The following SLC4A4 variants were observed in gnomAD, a reference collection of about 807,000 sequenced individuals.
SLC4A4 encodes solute carrier family 4 member 4, also known as electrogenic sodium bicarbonate cotransporter 1.
A neutral mutation model predicts 111.5 loss-of-function variants in SLC4A4; 27 were observed. The observed-to-expected ratio is 0.24, with a 90% CI of 0.18 to 0.33. The LOEUF is 0.33. SLC4A4 is among the 10% of genes least tolerant of loss of function. The pLI is 1.00. For synonymous variants in SLC4A4, 443 were observed against 463.4 expected, an observed-to-expected ratio of 0.96 and a Z score of 0.57; for missense variants, 909 against 1,315.5, an observed-to-expected ratio of 0.69 and a Z score of 4.78.
chr4:71,128,963 C>T (rs76070700), intron 2 of SLC4A4, among the ~76,000 whole-genome samples: 1,837 of 152,130 alleles, frequency 0.012, 22 homozygotes, highest in South Asian at 0.024. Flanking sequence ...AAATATTCTC[C>T]GCCTTTGAAT....
intron 2 of SLC4A4, among the ~76,000 whole-genome samples, chr4:71,093,213 G>A (rs186260684): frequency 1.3e-5 from 2 of 151,602 alleles, no homozygotes; most frequent in Admixed American, 1.3e-4. Context: ...CTATCACCAG[G>A]CTGGAGTGCA....
At chr4:71,169,842 C>G (rs1447315901) in intron 2 of SLC4A4, among the ~76,000 whole-genome samples, 5 of 152,202 alleles carry the variant, frequency 3.3e-5, no homozygotes, top group African/African-American at 1.2e-4. Flanking sequence ...GTTTATAAAT[C>G]TTCAGTAGTT....
chr4:71,383,899 C>T (rs976296421), intron 6 of SLC4A4, among the ~76,000 whole-genome samples: 2 of 152,170 alleles, frequency 1.3e-5, no homozygotes, highest in Non-Finnish European at 2.9e-5. Flanking sequence ...CTACTGCCCC[C>T]GCTCTGTCGC....
intron 16 of SLC4A4, among the ~76,000 whole-genome samples, chr4:71,500,027 C>T (rs1348301189): frequency 6.6e-6 from 1 of 152,110 alleles, no homozygotes; most frequent in Admixed American, 6.5e-5. Context: ...AATGGCTGTT[C>T]TAATTTACAT....
intron 14 of SLC4A4, among the ~76,000 whole-genome samples, chr4:71,474,072 G>A (rs928980349): frequency 2.0e-5 from 3 of 147,574 alleles, no homozygotes; most frequent in Non-Finnish European, 1.5e-5. Context: ...GTGGTGGCAC[G>A]TACCTGTAGC....
intron 6 of SLC4A4, among the ~76,000 whole-genome samples, chr4:71,384,763 C>G (rs1036365465): frequency 6.6e-6 from 1 of 151,536 alleles, no homozygotes; most frequent in Admixed American, 6.6e-5. Flanking sequence ...ACCTATGTCT[C>G]TATTTTTTAT....
At chr4:71,181,484 T>A (rs1389463785) in intron 2 of SLC4A4, among the ~76,000 whole-genome samples, 3 of 152,208 alleles carry the variant, frequency 2.0e-5, no homozygotes. Context: ...CTTCACGAGA[T>A]GCTTTATGCA....
At chr4:71,277,793 C>CT (rs912690146) in intron 3 of SLC4A4, among the ~76,000 whole-genome samples, 3 of 151,954 alleles carry the variant, frequency 2.0e-5, no homozygotes, top group Admixed American at 2.0e-4. Context: ...TGTAGCTTGT[C>CT]TTTTTTCTGC....
At chr4:71,536,986 A>G (rs1734564331) in intron 18 of SLC4A4, among the ~76,000 whole-genome samples, 1 of 151,754 alleles carries the variant, frequency 6.6e-6, no homozygotes, top group African/African-American at 2.4e-5. Context: ...ATGTATATGT[A>G]TATGTATACA....
chr4:71,149,684 A>T (rs1349290697), intron 2 of SLC4A4, among the ~76,000 whole-genome samples: 1 of 152,172 alleles, frequency 6.6e-6, no homozygotes, highest in East Asian at 1.9e-4. Context: ...GGGCTTAAGG[A>T]GGGCCATGTT....
Position 71,560,351 on chromosome 4 carries a change from C to G in SLC4A4, c.3099+97C>G, listed in dbSNP as rs28683059. On this transcript the variant is annotated intron_variant, in intron 23 of 25. Transcript: ENST00000264485. ...CTGATGTGAAATGGAGGGCTGAGTT[C>G]TAAGAATGTTTATCTGGACATGTGG... 5.1e-3 allele frequency: 6,881 copies of G among 1,346,296 alleles called. 41 individuals carry two copies. Among genetic ancestry groups the G allele is most frequent in the Non-Finnish European group, 5.0e-3 (4,824 of 974,436 alleles). 83.4% of individuals were successfully genotyped at this position (1,346,296 alleles called of 1,614,324 possible). A position where few individuals can be genotyped will look rare whatever the true frequency, so the allele number is the denominator to read the frequency against.
At chr4:71,358,314 GAAA>G (rs757154295) in intron 6 of SLC4A4, among the ~76,000 whole-genome samples, 4 of 120,498 alleles carry the variant, frequency 3.3e-5, no homozygotes, top group African/African-American at 3.0e-5. Flanking sequence ...GACTCCGTCT[GAAA>G]AAAAAAAAAA....
intron 2 of SLC4A4, among the ~76,000 whole-genome samples, chr4:71,242,677 A>G (rs987418113): frequency 7.9e-5 from 12 of 151,484 alleles, no homozygotes; most frequent in Non-Finnish European, 1.6e-4. Context: ...GGTTATTATA[A>G]TCTTCTTTGG....
chr4:71,142,719 C>A (rs896624327), intron 2 of SLC4A4, among the ~76,000 whole-genome samples: 1 of 149,346 alleles, frequency 6.7e-6, no homozygotes, highest in Non-Finnish European at 1.5e-5. Flanking sequence ...AGAGTGAATG[C>A]AACTCTCTCC....
rs952479823 is a variant in SLC4A4, at chr4:71,521,468, A to T, written c.2167-10594A>T. Among the ~76,000 whole-genome samples the T allele has an allele frequency of 9.1e-4, 139 of 152,262 alleles. 1 individual carries two copies. Among genetic ancestry groups the T allele is most frequent in the African/African-American group, 3.0e-3 (125 of 41,554 alleles). Reference sequence around the variant, plus strand: ...AGGCTAGTCTTGAACTCCTAGGTTCAAACAGTCGTCCTGCCTCAGCCTCAC... The same window carrying T: ...AGGCTAGTCTTGAACTCCTAGGTTCTAACAGTCGTCCTGCCTCAGCCTCAC... On this transcript the variant is annotated intron_variant, in intron 16 of 25. Coordinates refer to ENST00000264485, the MANE Select transcript of SLC4A4 (RefSeq NM_001098484.3).
intron 14 of SLC4A4, among the ~76,000 whole-genome samples, chr4:71,478,610 G>T (rs1728585632): frequency 6.6e-6 from 1 of 151,768 alleles, no homozygotes; most frequent in Non-Finnish European, 1.5e-5. Context: ...GTCTGTTAGG[G>T]GGTTGGGGGC....
At chr4:71,256,955 G>A (rs1200971354) in intron 3 of SLC4A4, among the ~76,000 whole-genome samples, 1 of 152,108 alleles carries the variant, frequency 6.6e-6, no homozygotes, top group Non-Finnish European at 1.5e-5. Context: ...CACTATTAAT[G>A]TTAAAAAGTA....
At chr4:71,157,304 C>T (rs1744504263) in intron 2 of SLC4A4, among the ~76,000 whole-genome samples, 2 of 152,074 alleles carry the variant, frequency 1.3e-5, no homozygotes, top group South Asian at 4.1e-4. Flanking sequence ...TAGAAATCAA[C>T]TATCAGAATA....
At chr4:71,497,027 G>T (rs768777426) in intron 15 of SLC4A4, among the ~76,000 whole-genome samples, 15 of 152,128 alleles carry the variant, frequency 9.9e-5, no homozygotes, top group Non-Finnish European at 1.9e-4. Flanking sequence ...TTGTGAAAGT[G>T]CTTGGTGAGT....
Sources: allele counts gnomAD v4.1 joint callset (sites outside exome capture counted in the v4.1 genomes callset), GRCh38; gene constraint gnomAD v4.1.1; transcripts MANE v1.5; gene names NCBI Gene and HGNC (gene_info 2026-07-23, HGNC 2026-07-21).